AP1B1: variants seen among roughly 807,000 people sequenced by gnomAD.
AP1B1 encodes the protein AP-1 complex subunit beta-1.
In AP1B1, 36 loss-of-function variants were observed where a neutral mutation model predicts 104.3. The ratio of observed to expected loss-of-function variants is 0.35; its 90% CI spans 0.26 to 0.46. The LOEUF (loss-of-function observed/expected upper bound fraction) is 0.46, where lower values mean the gene tolerates loss of function less well. Ranked by LOEUF, AP1B1 falls within the 20% of genes least tolerant of loss-of-function variation. The pLI, the probability that AP1B1 is intolerant of heterozygous loss-of-function variation, is 1.00. For synonymous variants in AP1B1, 504 were observed against 517.5 expected, an observed-to-expected ratio of 0.97 and a Z score of 0.35; for missense variants, 901 against 1,247.9, an observed-to-expected ratio of 0.72 and a Z score of 4.19.
In AP1B1 at chr22:29,337,330, G is replaced by A. The variant is rs952847478; in HGVS notation, c.2163+1660C>T. Among the ~76,000 whole-genome samples the A allele has an allele frequency of 2.0e-5, 3 of 152,314 alleles. No individual in the cohort carries two copies. The East Asian group carries it at 5.8e-4, about 29-fold the overall frequency. On this transcript the variant is annotated intron_variant, in intron 16 of 22. Coordinates refer to ENST00000357586, the MANE Select transcript of AP1B1 (RefSeq NM_001127.4). The stretch of plus-strand genomic sequence containing the variant: ...GTGCTGGCGGTGGCTGTGGAATGCT[G>A]TGCTGTCCCTACAAGGAAGTGTGCG...
chr22:29,386,508 C>G (rs1362602630), intron 1 of AP1B1, among the ~76,000 whole-genome samples: 1 of 152,192 alleles, frequency 6.6e-6, no homozygotes, highest in African/African-American at 2.4e-5. Context: ...GGACAGAAAA[C>G]CAGAAGCTCT....
intron 14 of AP1B1, 26 bp downstream of exon 14, chr22:29,340,630 T>A: frequency 6.6e-7 from 1 of 1,508,790 alleles, no homozygotes; most frequent in Middle Eastern, 1.7e-4. Flanking sequence ...ATTATCAACA[T>A]CATCCAGAGG....
chr22:29,380,619 C>G (rs2062421235), intron 1 of AP1B1, among the ~76,000 whole-genome samples: 1 of 152,126 alleles, frequency 6.6e-6, no homozygotes, highest in Non-Finnish European at 1.5e-5. Flanking sequence ...CTCTTAACAA[C>G]ATACTCTCCT....
At chr22:29,378,435 A>G (rs2062380953) in intron 1 of AP1B1, among the ~76,000 whole-genome samples, 1 of 150,860 alleles carries the variant, frequency 6.6e-6, no homozygotes, top group African/African-American at 2.4e-5. Flanking sequence ...CATCTGTAGT[A>G]TCAGCTACTC....
At position 29,340,454 on chromosome 22, in the gene AP1B1, G is replaced by A. The variant is rs1026393565; in HGVS notation, c.1998+202C>T. Among the ~76,000 whole-genome samples the A allele has an allele frequency of 2.0e-5, 3 of 152,236 alleles. No individual in the cohort carries two copies. In the East Asian group the frequency reaches 5.8e-4, roughly 29 times the overall value. On this transcript the variant is annotated intron_variant, in intron 14 of 22. Transcript: ENST00000357586. ...TGCCTCTCAGGGGCTGTGCGACCTC[G>A]GAGGGAAGGCTGCCTGGCCTCTCTA... is the stretch of plus-strand genomic sequence containing the variant.
chr22:29,377,195 CAAAAAAAA>C (rs34466410), intron 1 of AP1B1, among the ~76,000 whole-genome samples: 16 of 64,700 alleles, frequency 2.5e-4, no homozygotes, highest in Admixed American at 7.0e-4. Context: ...GACCCTGTCT[CAAAAAAAA>C]AAAAAAAAAA....
chr22:29,344,877 T>C (rs2061768617), intron 11 of AP1B1, among the ~76,000 whole-genome samples: 1 of 151,980 alleles, frequency 6.6e-6, no homozygotes, highest in South Asian at 2.1e-4. Context: ...GATGAGAAGA[T>C]TCAACAAGAC....
intron 4 of AP1B1, 79 bp from the exon 5 acceptor site, chr22:29,359,050 C>T: frequency 7.1e-7 from 1 of 1,404,318 alleles, no homozygotes; most frequent in Non-Finnish European, 9.6e-7. Flanking sequence ...GCCTGCAGCT[C>T]TGAGCCCTGC....
chr22:29,366,725 A>G (rs6006109), intron 2 of AP1B1, among the ~76,000 whole-genome samples: 53,424 of 151,400 alleles, frequency 0.35, 10,323 homozygotes, highest in East Asian at 0.66. Flanking sequence ...CTTCAACTCG[A>G]GAGGCGGAGG....
chr22:29,363,329 C>A (rs577348176), intron 2 of AP1B1, among the ~76,000 whole-genome samples: 1 of 152,284 alleles, frequency 6.6e-6, no homozygotes, highest in East Asian at 1.9e-4. Flanking sequence ...GGTGCAGTCG[C>A]TCATACCTGT....
chr22:29,343,359 G>T lies in AP1B1; in HGVS notation c.1438-976C>A, dbSNP rs117921880. Among the ~76,000 whole-genome samples the T allele has an allele frequency of 5.4e-3, 818 of 152,326 alleles. 6 individuals are homozygous for T. Among genetic ancestry groups the T allele is most frequent in the Middle Eastern group, 0.01 (3 of 294 alleles). The stretch of plus-strand genomic sequence containing the variant: ...CGTGCTGACGGCATCTCTGGCACCT[G>T]CCCAGCAGGAGGGCACTTGTGCAGG... On this transcript the variant is annotated intron_variant, in intron 11 of 22. Coordinates refer to ENST00000357586, the MANE Select transcript of AP1B1 (RefSeq NM_001127.4).
At chr22:29,344,627 T>C (rs1347001515) in intron 11 of AP1B1, among the ~76,000 whole-genome samples, 6 of 146,540 alleles carry the variant, frequency 4.1e-5, no homozygotes, top group Non-Finnish European at 8.9e-5. Flanking sequence ...TGGGTTCAAG[T>C]GATTTTCCTG....
At chr22:29,378,790 C>T (rs1195514125) in intron 1 of AP1B1, among the ~76,000 whole-genome samples, 2 of 135,566 alleles carry the variant, frequency 1.5e-5, no homozygotes, top group Non-Finnish European at 3.1e-5. Flanking sequence ...ACTCAGGAGG[C>T]GGAGCTTGCA....
chr22:29,358,659 C>T, intron 5 of AP1B1, 67 bp downstream of exon 5: 1 of 1,561,514 alleles, frequency 6.4e-7, no homozygotes, highest in Non-Finnish European at 8.7e-7. Flanking sequence ...GGTGAAGAGT[C>T]AAGCCAATGT....
chr22:29,341,194 T>C (rs1364008985), intron 13 of AP1B1, among the ~76,000 whole-genome samples: 2 of 152,222 alleles, frequency 1.3e-5, no homozygotes, highest in Non-Finnish European at 2.9e-5. Flanking sequence ...GACAGGGATC[T>C]GGAATGAGAC....
At chr22:29,335,601 C>T (rs376974990) in intron 16 of AP1B1, among the ~76,000 whole-genome samples, 1 of 152,218 alleles carries the variant, frequency 6.6e-6, no homozygotes, top group African/African-American at 2.4e-5. Flanking sequence ...CTCCCCCTTT[C>T]CACAGCAGCT....
chr22:29,358,656 A>G, intron 5 of AP1B1, 70 bp downstream of exon 5: 2 of 1,556,872 alleles, frequency 1.3e-6, no homozygotes, highest in South Asian at 1.2e-5. Context: ...CCTGGTGAAG[A>G]GTCAAGCCAA....
In AP1B1 at chr22:29,366,113, G is replaced by A. The variant is rs1254602540; in HGVS notation, c.37+1094C>T. Among the ~76,000 whole-genome samples, 13 of 152,176 alleles carry A rather than the reference G, an allele frequency of 8.5e-5. No homozygotes were observed. The East Asian group carries it at 2.1e-3, about 25-fold the overall frequency. On this transcript the variant is annotated intron_variant, in intron 2 of 22. Transcript: ENST00000357586. ...AGTATCACTTGGAAGGAAGGAGGGA[G>A]GAATAAAGGGCTGGCCAGAAAGATG...
intron 5 of AP1B1, among the ~76,000 whole-genome samples, chr22:29,357,065 TTTTG>T (rs2061970432): frequency 1.5e-5 from 1 of 67,234 alleles, no homozygotes; most frequent in South Asian, 5.7e-4. Context: ...TTTTTTTGTT[TTTTG>T]TTTTTTTTTT....
Sources: gnomAD v4.1 joint callset for allele counts (sites outside exome capture counted in the v4.1 genomes callset) on GRCh38, gnomAD v4.1.1 for gene constraint, MANE v1.5 for transcripts, NCBI Gene and HGNC (gene_info 2026-07-23, HGNC 2026-07-21) for gene names.